FHIT: variants seen among roughly 807,000 people sequenced by gnomAD.
FHIT encodes the protein fragile histidine triad diadenosine triphosphatase, also known as bis(5'-adenosyl)-triphosphatase.
FHIT carries 19 observed loss-of-function variants against 17.9 expected under a neutral mutation model. The ratio of observed to expected loss-of-function variants is 1.06; its 90% CI spans 0.74 to 1.56. The LOEUF (loss-of-function observed/expected upper bound fraction) is 1.56, where lower values mean the gene tolerates loss of function less well. FHIT is among the 40% of genes most tolerant of loss of function. FHIT has a pLI of 0.00. For synonymous variants in FHIT, 81 were observed against 69.7 expected, an observed-to-expected ratio of 1.16 and a Z score of -0.81; for missense variants, 248 against 189.2, an observed-to-expected ratio of 1.31 and a Z score of -1.82.
At chr3:61,033,644 TC>T (rs983973825) in intron 3 of FHIT, among the ~76,000 whole-genome samples, 79 of 152,236 alleles carry the variant, frequency 5.2e-4, no homozygotes, top group African/African-American at 1.9e-3. Flanking sequence ...AAGGAAAGAC[TC>T]CAGTATGTAT....
At chr3:61,204,774 T>C (rs915810566) in intron 1 of FHIT, among the ~76,000 whole-genome samples, 6 of 152,200 alleles carry the variant, frequency 3.9e-5, no homozygotes, top group Admixed American at 1.3e-4. Context: ...TTGTTAGGCA[T>C]GACGAAAGTT....
intron 4 of FHIT, among the ~76,000 whole-genome samples, chr3:60,666,333 C>T (rs1441396431): frequency 2.0e-5 from 3 of 152,124 alleles, no homozygotes; most frequent in Admixed American, 2.0e-4. Flanking sequence ...GTTTTTATTT[C>T]CTCTTCACTC....
intron 5 of FHIT, among the ~76,000 whole-genome samples, chr3:60,107,852 T>C (rs528580393): frequency 2.2e-4 from 33 of 152,356 alleles, no homozygotes; most frequent in Non-Finnish European, 2.6e-4. Flanking sequence ...AGATATTTTA[T>C]CAATACAACC....
chr3:60,800,409 C>T (rs1270213693), intron 4 of FHIT, among the ~76,000 whole-genome samples: 1 of 152,092 alleles, frequency 6.6e-6, no homozygotes, highest in Non-Finnish European at 1.5e-5. Context: ...AGTGGAACCC[C>T]AAAACATATT....
At chr3:60,628,405 T>C (rs1421026610) in intron 4 of FHIT, among the ~76,000 whole-genome samples, 3 of 152,148 alleles carry the variant, frequency 2.0e-5, no homozygotes, top group African/African-American at 7.2e-5. Flanking sequence ...GAACAATGAA[T>C]ATTGAAGGTT....
intron 5 of FHIT, among the ~76,000 whole-genome samples, chr3:60,211,606 C>G (rs1442260883): frequency 1.3e-5 from 2 of 152,128 alleles, no homozygotes; most frequent in Non-Finnish European, 2.9e-5. Flanking sequence ...AAACTCTAAA[C>G]TGCTCATGGT....
At chr3:60,444,394 C>T (rs975735101) in intron 5 of FHIT, among the ~76,000 whole-genome samples, 5 of 152,092 alleles carry the variant, frequency 3.3e-5, no homozygotes, top group Admixed American at 1.3e-4. Flanking sequence ...CACGTGCACA[C>T]GTATGTTTAT....
At chr3:60,941,173 T>G (rs1469704709) in intron 3 of FHIT, among the ~76,000 whole-genome samples, 2 of 152,224 alleles carry the variant, frequency 1.3e-5, no homozygotes, top group Non-Finnish European at 2.9e-5. Flanking sequence ...CCATTCAGAC[T>G]GGCCACATTT....
chr3:60,514,582 C>T (rs577903959), intron 5 of FHIT, among the ~76,000 whole-genome samples: 1 of 152,284 alleles, frequency 6.6e-6, no homozygotes, highest in South Asian at 2.1e-4. Context: ...GCAGCAACCA[C>T]CATGGCACAT....
chr3:60,270,170 C>A (rs2107625433), intron 5 of FHIT, among the ~76,000 whole-genome samples: 1 of 152,234 alleles, frequency 6.6e-6, no homozygotes, highest in African/African-American at 2.4e-5. Flanking sequence ...AGAGACCAGG[C>A]CACGCAGGCG....
At chr3:61,177,989 T>A (rs1330104517) in intron 2 of FHIT, among the ~76,000 whole-genome samples, 3 of 152,200 alleles carry the variant, frequency 2.0e-5, no homozygotes, top group Non-Finnish European at 4.4e-5. Flanking sequence ...CAGTGATGCA[T>A]CCCATTGGTC....
chr3:59,835,050 G>C (rs1701292086), intron 8 of FHIT, among the ~76,000 whole-genome samples: 1 of 152,124 alleles, frequency 6.6e-6, no homozygotes. Flanking sequence ...TACTCATGCA[G>C]ACCTTGTTGT....
intron 7 of FHIT, among the ~76,000 whole-genome samples, chr3:60,009,291 A>G (rs1387592830): frequency 1.3e-5 from 2 of 151,344 alleles, no homozygotes; most frequent in Non-Finnish European, 2.9e-5. Context: ...CCATTATTTC[A>G]TATCAGGAAA....
chr3:60,466,440 GT>G (rs762681098), intron 5 of FHIT, among the ~76,000 whole-genome samples: 14 of 151,990 alleles, frequency 9.2e-5, no homozygotes, highest in Middle Eastern at 3.2e-3. Context: ...AAGTGAGCAT[GT>G]TTGTCTCATT....
chr3:61,043,331 A>G (rs950680510), intron 2 of FHIT, among the ~76,000 whole-genome samples: 23 of 151,456 alleles, frequency 1.5e-4, no homozygotes, highest in Non-Finnish European at 3.4e-4. Flanking sequence ...GGAGGGTCCC[A>G]CGCCTAGCTC....
intron 5 of FHIT, among the ~76,000 whole-genome samples, chr3:60,445,352 G>A (rs2031251313): frequency 6.6e-6 from 1 of 151,940 alleles, no homozygotes. Context: ...TATCTAAAAT[G>A]TTGTTCTTGG....
chr3:60,438,415 C>A (rs2734379), intron 5 of FHIT, among the ~76,000 whole-genome samples: 145,711 of 151,948 alleles, frequency 0.96, 70,158 homozygotes, highest in East Asian at 1. Context: ...TAAAACTCCC[C>A]AAAACTCCCT....
intron 5 of FHIT, among the ~76,000 whole-genome samples, chr3:60,186,480 C>T (rs913694382): frequency 6.6e-6 from 1 of 152,058 alleles, no homozygotes; most frequent in African/African-American, 2.4e-5. Context: ...TTCGAAAATC[C>T]AAGAAAACAG....
intron 5 of FHIT, among the ~76,000 whole-genome samples, chr3:60,526,722 A>T (rs1326644230): frequency 6.6e-6 from 1 of 152,112 alleles, no homozygotes; most frequent in Admixed American, 6.5e-5. Flanking sequence ...AGCACATGGG[A>T]AGCTCTCCAA....
Sources: gnomAD v4.1 joint callset for allele counts (sites outside exome capture counted in the v4.1 genomes callset) on GRCh38, gnomAD v4.1.1 for gene constraint, MANE v1.5 for transcripts, NCBI Gene and HGNC (gene_info 2026-07-23, HGNC 2026-07-21) for gene names.